TRIM33: variants seen among roughly 807,000 people sequenced by gnomAD.
The protein encoded by TRIM33 is E3 ubiquitin-protein ligase TRIM33.
Under a neutral mutation model 125.4 loss-of-function variants are expected in TRIM33, and 20 were observed. That is an observed-to-expected ratio of 0.16 (90% CI 0.11 to 0.23). The LOEUF is 0.23. Among genes scored for constraint, TRIM33 ranks in the 10% least tolerant of loss-of-function variants. The pLI is 1.00. For missense variants in TRIM33, 920 were observed against 1,411.4 expected (o/e 0.65, Z 5.58); for synonymous variants, 564 against 513.9 (o/e 1.10, Z -1.32).
At chr1:114,399,752 T>C in intron 17 of TRIM33, 143 bp from the exon 18 acceptor site, 1 of 615,706 alleles carries the variant, frequency 1.6e-6, no homozygotes, top group Non-Finnish European at 2.7e-6. Flanking sequence ...ACGTATGTAC[T>C]TTACATCTTC....
intron 6 of TRIM33, among the ~76,000 whole-genome samples, chr1:114,428,739 G>A (rs954497226): frequency 6.6e-6 from 1 of 152,036 alleles, no homozygotes; most frequent in African/African-American, 2.4e-5. Flanking sequence ...TTAGAAAAAC[G>A]TTTCTTCTAC....
rs755938109 is a variant in TRIM33 at position 114,430,013 on chromosome 1, A to G, written c.1155+785T>C. Among the ~76,000 whole-genome samples, 48 of 152,192 alleles carry G rather than the reference A, an allele frequency of 3.2e-4. 1 individual carries two copies. The highest frequency in any genetic ancestry group is 5.1e-4 in the Non-Finnish European group (35 of 67,990). ...TGCAATATAAATACCTAATATCACA[A>G]AATTTTCACTAAGTTTAAGGTTTAT... On this transcript the variant is annotated intron_variant, in intron 6 of 19. Transcript: ENST00000358465.
intron 6 of TRIM33, among the ~76,000 whole-genome samples, chr1:114,429,902 G>A (rs1309592538): frequency 6.6e-6 from 1 of 152,082 alleles, no homozygotes; most frequent in African/African-American, 2.4e-5. Flanking sequence ...CAAATCGGCA[G>A]TGGAGACTTT....
intron 13 of TRIM33, 60 bp downstream of exon 13, chr1:114,408,617 T>C: frequency 1.8e-6 from 2 of 1,082,018 alleles, no homozygotes; most frequent in Non-Finnish European, 2.7e-6. Flanking sequence ...TCTACTTTTA[T>C]TATACATATT....
At position 114,479,973 on chromosome 1, in the gene TRIM33, G is replaced by A. The variant is rs541708479; in HGVS notation, c.527-15585C>T. ...CTCTGCCCGGCCGCCACCCCGTCTG[G>A]GAGGTGTACCCAACAGCTCATTGAG... On this transcript the variant is annotated intron_variant, in intron 1 of 19. Coordinates refer to ENST00000358465, the MANE Select transcript of TRIM33 (RefSeq NM_015906.4). Among the ~76,000 whole-genome samples the A allele has an allele frequency of 4.6e-5, 7 of 152,328 alleles. No individual in the cohort carries two copies. In the South Asian group the frequency reaches 1.2e-3, roughly 27 times the overall value.
chr1:114,433,841 A>G, intron 4 of TRIM33, 108 bp from the exon 5 acceptor site: 1 of 664,276 alleles, frequency 1.5e-6, no homozygotes, highest in Non-Finnish European at 2.6e-6. Context: ...TAAGTGATCA[A>G]CTCTATGCTG....
intron 1 of TRIM33, among the ~76,000 whole-genome samples, chr1:114,479,957 G>A (rs1651209238): frequency 6.6e-6 from 1 of 152,040 alleles, no homozygotes; most frequent in Non-Finnish European, 1.5e-5. Flanking sequence ...CCTCTGCCCG[G>A]CCGCCACCCC....
In TRIM33 at chr1:114,430,900, T is replaced by C. The variant is rs1455720493; in HGVS notation, c.1053A>G (p.Val351=). The C allele has an allele frequency of 6.3e-7, 1 of 1,584,404 alleles. No homozygotes were observed. Among genetic ancestry groups the C allele is most frequent in the Non-Finnish European group, 8.7e-7 (1 of 1,153,380 alleles). The change falls in exon 6 of 20, where the codon GTA becomes GTG. Residue 351 remains valine, a synonymous_variant. Coordinates refer to ENST00000358465, the MANE Select transcript of TRIM33 (RefSeq NM_015906.4). ...GTTCTACTCGTTTGTTAGTCTCATTTACTTCTTTTATCCTGAATAAGAGAA... is the reference window on the plus strand; with the variant it reads ...GTTCTACTCGTTTGTTAGTCTCATTCACTTCTTTTATCCTGAATAAGAGAA... ...ATQVQNRIKE[V]NETNKRVEQE...
intron 1 of TRIM33, chr1:114,468,218 G>A (rs769704169): frequency 9.3e-6 from 2 of 216,144 alleles, no homozygotes; most frequent in Non-Finnish European, 1.8e-5. Context: ...AGAGAGTGCA[G>A]TGGTGTGAGA....
At chr1:114,428,525 A>G (rs771074073) in intron 6 of TRIM33, among the ~76,000 whole-genome samples, 5 of 152,228 alleles carry the variant, frequency 3.3e-5, no homozygotes, top group Non-Finnish European at 7.3e-5. Flanking sequence ...AGGGATGGGT[A>G]ATGTCCTACA....
chr1:114,444,885 A>G (rs1648879774), intron 4 of TRIM33, among the ~76,000 whole-genome samples: 1 of 152,242 alleles, frequency 6.6e-6, no homozygotes, highest in African/African-American at 2.4e-5. Context: ...TAATGAGCTA[A>G]AAGTTTAAAT....
At chr1:114,495,067 C>A (rs1652289724) in intron 1 of TRIM33, among the ~76,000 whole-genome samples, 1 of 152,116 alleles carries the variant, frequency 6.6e-6, no homozygotes, top group African/African-American at 2.4e-5. Context: ...GCATGTGCCA[C>A]CACACCTGGC....
chr1:114,492,026 CACA>C (rs1332330846), intron 1 of TRIM33, among the ~76,000 whole-genome samples: 2 of 152,038 alleles, frequency 1.3e-5, no homozygotes, highest in Admixed American at 6.6e-5. Context: ...AGAACATGGC[CACA>C]ACAAGGACAC....
intron 1 of TRIM33, among the ~76,000 whole-genome samples, chr1:114,487,624 G>A (rs527831355): frequency 7.9e-5 from 12 of 152,060 alleles, no homozygotes; most frequent in South Asian, 6.2e-4. Context: ...TAGGCCGGGC[G>A]CGGTGGCTCA....
Position 114,402,902 on chromosome 1 carries a change from A to C in TRIM33, c.2769-19T>G, listed in dbSNP as rs1287099384. On this transcript the variant is annotated intron_variant, in intron 15 of 19. Transcript: ENST00000358465. ...GTCCCCACTAGACAGGGAAATAGGC[A>C]ATTAGTCCACGTAATTATAAGAAAG... 4 of 1,602,350 alleles carry C rather than the reference A, an allele frequency of 2.5e-6. No homozygotes were observed. In the Admixed American group the frequency reaches 7.0e-5, roughly 28 times the overall value.
chr1:114,482,269 TAGAA>T (rs1391578746), intron 1 of TRIM33, among the ~76,000 whole-genome samples: 2 of 152,022 alleles, frequency 1.3e-5, no homozygotes, highest in East Asian at 3.8e-4. Flanking sequence ...AGACATATAT[TAGAA>T]AGGAAAAAAA....
chr1:114,440,941 TAC>T (rs1648614609), intron 4 of TRIM33, among the ~76,000 whole-genome samples: 2 of 152,248 alleles, frequency 1.3e-5, no homozygotes, highest in South Asian at 2.1e-4. Flanking sequence ...TGTTATTCTT[TAC>T]ACAGTTTCTT....
At chr1:114,481,164 C>A (rs1289765666) in intron 1 of TRIM33, among the ~76,000 whole-genome samples, 3 of 151,942 alleles carry the variant, frequency 2.0e-5, no homozygotes, top group Non-Finnish European at 2.9e-5. Flanking sequence ...CAGAGTAAGA[C>A]TCTGTCTCCA....
At chr1:114,436,089 C>T (rs1483884349) in intron 4 of TRIM33, among the ~76,000 whole-genome samples, 2 of 151,338 alleles carry the variant, frequency 1.3e-5, no homozygotes, top group Non-Finnish European at 2.9e-5. Flanking sequence ...TGTTGAGCAA[C>T]ATTATAACTT....
Sources: allele counts gnomAD v4.1 joint callset (sites outside exome capture counted in the v4.1 genomes callset), GRCh38; gene constraint gnomAD v4.1.1; transcripts MANE v1.5; gene names NCBI Gene and HGNC (gene_info 2026-07-23, HGNC 2026-07-21).